Variants in CCT3 observed in about 807,000 individuals in gnomAD.
CCT3 encodes the protein T-complex protein 1 subunit gamma.
A neutral mutation model predicts 65.3 loss-of-function variants in CCT3; 10 were observed. The ratio of observed to expected loss-of-function variants is 0.15; its 90% CI spans 0.09 to 0.26. The LOEUF is 0.26. CCT3 is among the 10% of genes least tolerant of loss of function. The pLI, the probability that CCT3 is intolerant of heterozygous loss-of-function variation, is 1.00. For missense variants in CCT3, 626 were observed against 708.7 expected, an observed-to-expected ratio of 0.88 and a Z score of 1.33; for synonymous variants, 225 against 242.3, an observed-to-expected ratio of 0.93 and a Z score of 0.66.
At chr1:156,336,059 A>C (rs979669900) in intron 1 of CCT3, 171 bp from the exon 2 acceptor site, 1 of 499,108 alleles carries the variant, frequency 2.0e-6, no homozygotes, top group Non-Finnish European at 3.6e-6. Flanking sequence ...TGTCAACCAT[A>C]TCTCAAAAAA....
Position 156,310,978 on chromosome 1 carries a change from C to T in CCT3, c.1373G>A (p.Ser458Asn), listed in dbSNP as rs764789757. ...PRTLIQNCGA[S>N]TIRLLTSLRA... ...AAGGGAGGTAAGTAGACGGATGGTG[C>T]TGGCCCCACAGTTCTGGATCAGGGT... The change falls in exon 12 of 14, where the codon AGC (serine) becomes AAC (asparagine). Residue 458 changes from serine to asparagine, a missense_variant. Physicochemically the swap from Ser to Asn is conservative, Grantham distance 46. Transcript: ENST00000295688. The T allele has an allele frequency of 1.2e-6, 2 of 1,614,206 alleles. No homozygotes were observed. The highest frequency in any genetic ancestry group is 1.7e-6 in the Non-Finnish European group (2 of 1,180,034).
chr1:156,332,314 A>T (rs890767075), intron 5 of CCT3, among the ~76,000 whole-genome samples: 1 of 152,196 alleles, frequency 6.6e-6, no homozygotes, highest in African/African-American at 2.4e-5. Flanking sequence ...ACTTGGTTGC[A>T]ATCAGATTTT....
intron 5 of CCT3, among the ~76,000 whole-genome samples, chr1:156,328,261 C>G (rs563389198): frequency 6.8e-6 from 1 of 147,664 alleles, no homozygotes; most frequent in African/African-American, 2.5e-5. Flanking sequence ...CCCGGCCAGC[C>G]GCCCCATCCG....
chr1:156,309,216 C>CA lies in CCT3; in HGVS notation c.1620dup (p.Asp541Ter). On this transcript the variant is annotated frameshift_variant, in exon 14 of 14. Coordinates refer to ENST00000295688, the MANE Select transcript of CCT3 (RefSeq NM_005998.5). LOFTEE classifies it high-confidence loss of function. ...CCTAGCACTCACTCCTGGCCAGCATCAGGAGCCCCGCCTTGCCGGCTCTGG... is the reference window on the plus strand; with the variant it reads ...CCTAGCACTCACTCCTGGCCAGCATCAAGGAGCCCCGCCTTGCCGGCTCTGG... The CA allele has an allele frequency of 6.2e-7, 1 of 1,613,068 alleles. No homozygotes were observed. Among genetic ancestry groups the CA allele is most frequent in the Non-Finnish European group, 8.5e-7 (1 of 1,179,056 alleles).
intron 11 of CCT3, 85 bp downstream of exon 11, chr1:156,311,956 C>G: frequency 1.8e-6 from 2 of 1,111,410 alleles, no homozygotes; most frequent in Non-Finnish European, 2.5e-6. Flanking sequence ...ATAAATGGAC[C>G]ACAGAATTAT....
At chr1:156,312,410 C>T (rs1664123042) in intron 10 of CCT3, among the ~76,000 whole-genome samples, 189 bp from the exon 11 acceptor site, 1 of 152,098 alleles carries the variant, frequency 6.6e-6, no homozygotes, top group South Asian at 2.1e-4. Flanking sequence ...CTTGTAATCC[C>T]AGTACTTTGG....
chr1:156,313,384 A>G (rs1664167776), intron 10 of CCT3, among the ~76,000 whole-genome samples: 1 of 150,654 alleles, frequency 6.6e-6, no homozygotes, highest in South Asian at 2.1e-4. Flanking sequence ...GAGAGAGAGA[A>G]ATCATTGAGG....
intron 3 of CCT3, 36 bp downstream of exon 3, chr1:156,334,832 T>A (rs771761529): frequency 6.2e-7 from 1 of 1,613,670 alleles, no homozygotes; most frequent in Non-Finnish European, 8.5e-7. Context: ...AAGAAAAAAA[T>A]TGTAGCCTAA....
rs147509099 is a variant in CCT3, at chr1:156,335,850, A to G, written c.70T>C (p.Ser24Pro). Reference sequence around the variant, plus strand: ...ACCTTGGCAGCATTGATGTTTCCAGATTGAACTTTTCTTCCGGATTCACGC... The same window carrying G: ...ACCTTGGCAGCATTGATGTTTCCAGGTTGAACTTTTCTTCCGGATTCACGC... Reference protein sequence around the residue: ...TKRESGRKVQSGNINAAKTIA... With the variant: ...TKRESGRKVQPGNINAAKTIA... The change falls in exon 2 of 14, where the codon TCT becomes CCT. Residue 24 changes from serine (S) to proline (P), a missense_variant. Transcript: ENST00000295688. 69 of 1,614,132 alleles carry G rather than the reference A, an allele frequency of 4.3e-5. No homozygotes were observed. In the African/African-American group the frequency reaches 8.5e-4, roughly 20 times the overall value.
At chr1:156,312,273 C>T in intron 10 of CCT3, 52 bp from the exon 11 acceptor site, 1 of 1,560,692 alleles carries the variant, frequency 6.4e-7, no homozygotes, top group Non-Finnish European at 8.8e-7. Flanking sequence ...TACTTGTACC[C>T]ATTTCCCTAG....
rs375276930 is a variant in CCT3 at position 156,315,418 on chromosome 1, A to G, written c.974+1748T>C. Reference sequence around the variant, plus strand: ...GAGATGGGGTTTCACCATGTTGGCCAGGCTGGTCTTGAACTCCTCACCTCA... The same window carrying G: ...GAGATGGGGTTTCACCATGTTGGCCGGGCTGGTCTTGAACTCCTCACCTCA... On this transcript the variant is annotated intron_variant, in intron 10 of 13. Transcript: ENST00000295688. 1.6e-4 allele frequency among the ~76,000 whole-genome samples: 25 copies of G among 152,290 alleles called. No individual in the cohort carries two copies. The East Asian group carries it at 2.9e-3, about 18-fold the overall frequency.
intron 1 of CCT3, chr1:156,337,110 G>GA: frequency 2.3e-6 from 3 of 1,284,218 alleles, no homozygotes; most frequent in African/African-American, 3.1e-5. Flanking sequence ...GTGCTCATCA[G>GA]AAAAAAATAA....
Position 156,311,030 on chromosome 1 carries a change from C to T in CCT3, c.1321G>A (p.Ala441Thr). 1 of 1,614,096 alleles carries T rather than the reference C, an allele frequency of 6.2e-7. No homozygotes were observed. Among genetic ancestry groups the T allele is most frequent in the Non-Finnish European group, 8.5e-7 (1 of 1,180,026 alleles). ...GVEQWPYRAV[A>T]QALEVIPRTL... ...CGAGGAATGACCTCTAGGGCCTGGG[C>T]AACAGCCCTGTATGGCCATTGTTCC... Residue 441 changes from alanine to threonine, a missense_variant, in exon 12 of 14, where the codon GCC (alanine) becomes ACC (threonine). Coordinates refer to ENST00000295688, the MANE Select transcript of CCT3 (RefSeq NM_005998.5).
chr1:156,337,826 C>G, intron 1 of CCT3: 1 of 415,612 alleles, frequency 2.4e-6, no homozygotes, highest in Non-Finnish European at 4.3e-6. Flanking sequence ...ATTCGTGCAG[C>G]TACATAGCGA....
chr1:156,322,569 T>A (rs374795473), intron 6 of CCT3, among the ~76,000 whole-genome samples: 227 of 149,190 alleles, frequency 1.5e-3, no homozygotes, highest in African/African-American at 1.9e-3. Flanking sequence ...AAAAAAAAAA[T>A]ATTTCAGGCC....
chr1:156,333,761 T>C (rs1665211040), intron 4 of CCT3, 118 bp from the exon 5 acceptor site: 2 of 681,788 alleles, frequency 2.9e-6, no homozygotes, highest in African/African-American at 3.6e-5. Context: ...TTTAATGTTT[T>C]ACCATATCTT....
chr1:156,322,986 G>C (rs1038800421), intron 6 of CCT3, among the ~76,000 whole-genome samples: 1 of 151,540 alleles, frequency 6.6e-6, no homozygotes, highest in African/African-American at 2.4e-5. Flanking sequence ...GCCAGACAAA[G>C]ATATTAATGT....
At chr1:156,321,083 T>C (rs1249284733) in intron 6 of CCT3, 58 bp from the exon 7 acceptor site, 1 of 1,374,582 alleles carries the variant, frequency 7.3e-7, no homozygotes, top group Non-Finnish European at 1.0e-6. Flanking sequence ...TGTAGAGATG[T>C]GCCTTATCTA....
intron 5 of CCT3, among the ~76,000 whole-genome samples, chr1:156,328,831 A>G (rs1664975411): frequency 6.6e-6 from 1 of 151,372 alleles, no homozygotes; most frequent in Non-Finnish European, 1.5e-5. Context: ...CCCCTCTGCG[A>G]GAAACACCCA....
Sources: allele counts gnomAD v4.1 joint callset (sites outside exome capture counted in the v4.1 genomes callset), GRCh38; gene constraint gnomAD v4.1.1; transcripts MANE v1.5; gene names NCBI Gene and HGNC (gene_info 2026-07-23, HGNC 2026-07-21).